Variants in ESRRG observed in about 807,000 individuals in gnomAD.
The protein encoded by ESRRG is estrogen-related receptor gamma.
Under a neutral mutation model 44.0 loss-of-function variants are expected in ESRRG, and 13 were observed. The observed-to-expected ratio is 0.30, with a 90% CI of 0.19 to 0.47. The LOEUF is 0.47. ESRRG is among the 20% of genes least tolerant of loss of function. The pLI is 1.00. For missense variants in ESRRG, 395 were observed against 580.6 expected, an observed-to-expected ratio of 0.68 and a Z score of 3.29; for synonymous variants, 215 against 214.6, an observed-to-expected ratio of 1.00 and a Z score of -0.02.
intron 2 of ESRRG, among the ~76,000 whole-genome samples, chr1:216,841,300 G>A (rs1169599205): frequency 1.3e-5 from 2 of 151,946 alleles, no homozygotes; most frequent in African/African-American, 2.4e-5. Flanking sequence ...TCTCCACCCC[G>A]CAGGCCTTTT....
chr1:216,930,570 G>A (rs2063202037), intron 2 of ESRRG, among the ~76,000 whole-genome samples: 2 of 152,270 alleles, frequency 1.3e-5, no homozygotes, highest in South Asian at 4.1e-4. Flanking sequence ...ACTTCACTGT[G>A]TTAAAGACCT....
chr1:217,123,961 A>C (rs2092857942), intron 1 of ESRRG, among the ~76,000 whole-genome samples: 2 of 152,226 alleles, frequency 1.3e-5, no homozygotes, highest in Non-Finnish European at 2.9e-5. Flanking sequence ...GACTAGTCTC[A>C]AAGCAATCTC....
At chr1:216,568,631 C>T (rs532108716) in intron 3 of ESRRG, among the ~76,000 whole-genome samples, 1 of 152,224 alleles carries the variant, frequency 6.6e-6, no homozygotes, top group African/African-American at 2.4e-5. Context: ...CTGAGAGACG[C>T]AAGAATTGTT....
intron 1 of ESRRG, among the ~76,000 whole-genome samples, chr1:216,977,345 C>T (rs2150354087): frequency 6.6e-6 from 1 of 151,036 alleles, no homozygotes; most frequent in Non-Finnish European, 1.5e-5. Flanking sequence ...GATACATACA[C>T]ACACACACAC....
intron 2 of ESRRG, among the ~76,000 whole-genome samples, chr1:216,873,210 T>TTTTG (rs1491316847): frequency 9.6e-5 from 1 of 10,448 alleles, no homozygotes; most frequent in Non-Finnish European, 1.9e-4. Context: ...ATCTTTTCAG[T>TTTTG]TTTTTTTTTT....
rs183484733 is a variant in ESRRG at position 216,882,195 on chromosome 1, T to C, written c.-14+57387A>G. Among the ~76,000 whole-genome samples, 162 of 152,248 alleles carry C rather than the reference T, an allele frequency of 1.1e-3. 2 individuals are homozygous for C. Among genetic ancestry groups the C allele is most frequent in the Non-Finnish European group, 1.8e-3 (120 of 68,020 alleles). ...GATTTTTCCAAGGTTATGTGGGTGA[T>C]GGGTGCATAGCCAGGACCTTGAGCT... On this transcript the variant is annotated intron_variant, in intron 2 of 7. Coordinates refer to the ESRRG transcript ENST00000359162.
chr1:216,523,490 G>GTTTT (rs749747909), intron 5 of ESRRG, among the ~76,000 whole-genome samples: 4 of 126,326 alleles, frequency 3.2e-5, no homozygotes, highest in Non-Finnish European at 5.0e-5. Flanking sequence ...ATCAAGCACT[G>GTTTT]TTTTTTTTTT....
chr1:216,855,630 A>T (rs977440980), intron 2 of ESRRG, among the ~76,000 whole-genome samples: 3 of 152,174 alleles, frequency 2.0e-5, no homozygotes, highest in Admixed American at 2.0e-4. Flanking sequence ...AGTCTGTGGC[A>T]CGTGGAAGGA....
chr1:216,980,562 G>A (rs1268845130), intron 1 of ESRRG, among the ~76,000 whole-genome samples: 1 of 152,016 alleles, frequency 6.6e-6, no homozygotes. Flanking sequence ...AACTCCACGG[G>A]AACTGTACTG....
intron 1 of ESRRG, among the ~76,000 whole-genome samples, chr1:216,951,268 G>A (rs2066904782): frequency 6.6e-6 from 1 of 152,122 alleles, no homozygotes; most frequent in Non-Finnish European, 1.5e-5. Context: ...TAGTATTAAT[G>A]CCTTAATACA....
intron 3 of ESRRG, among the ~76,000 whole-genome samples, chr1:216,600,946 G>A (rs909072917): frequency 6.6e-6 from 1 of 152,206 alleles, no homozygotes; most frequent in Non-Finnish European, 1.5e-5. Flanking sequence ...TCTGAACACA[G>A]ACTGTTGATG....
At chr1:216,573,276 A>AAAT (rs1467916615) in intron 3 of ESRRG, among the ~76,000 whole-genome samples, 3 of 151,992 alleles carry the variant, frequency 2.0e-5, no homozygotes, top group African/African-American at 7.2e-5. Flanking sequence ...ATGTCAAAGC[A>AAAT]AATAAAGCAT....
intron 1 of ESRRG, among the ~76,000 whole-genome samples, chr1:217,083,157 A>T (rs17638414): frequency 6.6e-6 from 1 of 152,240 alleles, no homozygotes; most frequent in African/African-American, 2.4e-5. Context: ...AAGGGCTTGT[A>T]TGGTCTAGCG....
At chr1:216,683,263 G>A (rs912892912) in intron 1 of ESRRG, among the ~76,000 whole-genome samples, 5 of 152,122 alleles carry the variant, frequency 3.3e-5, no homozygotes, top group African/African-American at 9.7e-5. Flanking sequence ...AAAGAATTGT[G>A]AATCCTGACC....
At position 216,720,269 on chromosome 1, in the gene ESRRG, C is replaced by T. The variant is rs995543079; in HGVS notation, c.56+2975G>A. ...CAAAACTACAGCTCAAGAATGCTCACAACTAATTGCAGCTGATTGTCACTT... is the reference window on the plus strand; with the variant it reads ...CAAAACTACAGCTCAAGAATGCTCATAACTAATTGCAGCTGATTGTCACTT... On this transcript the variant is annotated intron_variant, in intron 1 of 6. Transcript: ENST00000408911. Among the ~76,000 whole-genome samples, 26 of 152,046 alleles carry T rather than the reference C, an allele frequency of 1.7e-4. 1 individual carries two copies. The highest frequency in any genetic ancestry group is 6.3e-4 in the African/African-American group (26 of 41,426).
At chr1:216,735,090 G>C (rs1368184945) in intron 2 of ESRRG, among the ~76,000 whole-genome samples, 3 of 151,624 alleles carry the variant, frequency 2.0e-5, no homozygotes, top group African/African-American at 7.3e-5. Flanking sequence ...GGTATTTTTA[G>C]TAGAAATGGG....
rs530466773 is a variant in ESRRG at position 217,099,275 on chromosome 1, C to T, written c.-230+38392G>A. On this transcript the variant is annotated intron_variant, in intron 1 of 8. Coordinates refer to the ESRRG transcript ENST00000366940. ...AGGTGCCCTTTGAAAGTATCTTTTC[C>T]AATCCTACTTATCCCTCATGATGAG... Among the ~76,000 whole-genome samples, 3 of 152,016 alleles carry T rather than the reference C, an allele frequency of 2.0e-5. No individual in the cohort carries two copies. In the South Asian group the frequency reaches 6.2e-4, roughly 32 times the overall value.
chr1:216,538,251 A>C (rs996536795), intron 5 of ESRRG, among the ~76,000 whole-genome samples: 1 of 102,670 alleles, frequency 9.7e-6, no homozygotes, highest in Admixed American at 9.5e-5. Flanking sequence ...TTAAAAAATT[A>C]AAAATTTTGT....
rs376770854 is a variant in ESRRG at position 216,747,184 on chromosome 1, G to A, written c.-13-69693C>T. Among the ~76,000 whole-genome samples, 65 of 152,262 alleles carry A rather than the reference G, an allele frequency of 4.3e-4. 1 individual carries two copies. Among genetic ancestry groups the A allele is most frequent in the African/African-American group, 1.5e-3 (63 of 41,556 alleles). ...TTAGTTTTCCAGTTTTATTGATTAT[G>A]AAACAAGGATTCTGAGACGTCATTT... On this transcript the variant is annotated intron_variant, in intron 2 of 7. Coordinates refer to the ESRRG transcript ENST00000359162.
Sources: gnomAD v4.1 joint callset for allele counts (sites outside exome capture counted in the v4.1 genomes callset) on GRCh38, gnomAD v4.1.1 for gene constraint, MANE v1.5 for transcripts, NCBI Gene and HGNC (gene_info 2026-07-23, HGNC 2026-07-21) for gene names.